Variants in HSD17B11 observed in about 807,000 individuals in gnomAD.
HSD17B11 encodes the protein estradiol 17-beta-dehydrogenase 11.
HSD17B11 carries 22 observed loss-of-function variants against 27.8 expected under a neutral mutation model. That is an observed-to-expected ratio of 0.79 (90% CI 0.56 to 1.13). The LOEUF is 1.13. Among genes scored for constraint, HSD17B11 ranks in the 50% most tolerant of loss-of-function variants. The probability of loss-of-function intolerance (pLI) is 0.00; values close to 1 mark genes in which losing one functional copy is unlikely to be tolerated. For synonymous variants in HSD17B11, 117 were observed against 132.8 expected (o/e 0.88, Z 0.82); for missense variants, 314 against 351.1 (o/e 0.89, Z 0.84).
intron 1 of HSD17B11, among the ~76,000 whole-genome samples, chr4:87,390,441 C>G (rs904634232): frequency 6.6e-6 from 1 of 152,230 alleles, no homozygotes; most frequent in African/African-American, 2.4e-5. Context: ...CAGGCGTGAG[C>G]CAACGGCGAG....
In HSD17B11 at chr4:87,378,883, T is replaced by TATATATATAA. The variant is rs1720020276; in HGVS notation, c.318+3371_318+3372insTTATATATAT. Among the ~76,000 whole-genome samples, 9 of 12,922 alleles carry TATATATATAA rather than the reference T, an allele frequency of 7.0e-4. 3 individuals carry two copies. Among genetic ancestry groups the TATATATATAA allele is most frequent in the Admixed American group, 1.4e-3 (1 of 730 alleles). 8.5% of individuals were successfully genotyped at this position (12,922 alleles called of 152,430 possible). A position where few individuals can be genotyped will look rare whatever the true frequency, so the allele number is the denominator to read the frequency against. On this transcript the variant is annotated intron_variant, in intron 2 of 6. Transcript: ENST00000358290. ...ATATATATAAATATATATATATAAATATATATATATAAATATATATAAATA... is the reference window on the plus strand; with the variant it reads ...ATATATATAAATATATATATATAAATATATATATAAATATATATATAAATATATATAAATA...
intron 2 of HSD17B11, among the ~76,000 whole-genome samples, chr4:87,379,864 AT>A (rs1560770166): frequency 1.3e-5 from 1 of 77,214 alleles, no homozygotes; most frequent in Non-Finnish European, 2.5e-5. Context: ...ATGTATATGT[AT>A]TATACTATTA....
At chr4:87,384,805 C>G (rs1162666284) in intron 1 of HSD17B11, among the ~76,000 whole-genome samples, 1 of 151,838 alleles carries the variant, frequency 6.6e-6, no homozygotes, top group Non-Finnish European at 1.5e-5. Flanking sequence ...AGACCCTTAT[C>G]AGTAGTTCTG....
intron 4 of HSD17B11, among the ~76,000 whole-genome samples, chr4:87,359,227 T>C (rs116121952): frequency 0.012 from 1,825 of 152,278 alleles, 40 homozygotes; most frequent in African/African-American, 0.042. Context: ...AGGGGACTAA[T>C]ACAGAAGGCT....
intron 4 of HSD17B11, among the ~76,000 whole-genome samples, chr4:87,359,809 C>T (rs1191375366): frequency 5.3e-5 from 8 of 152,110 alleles, no homozygotes; most frequent in Non-Finnish European, 1.0e-4. Context: ...TCAGGTTTTA[C>T]GTGTGGGTAG....
intron 1 of HSD17B11, among the ~76,000 whole-genome samples, chr4:87,390,551 T>C (rs1189331386): frequency 6.6e-5 from 10 of 152,208 alleles, no homozygotes; most frequent in African/African-American, 2.4e-4. Flanking sequence ...AAACGATTGT[T>C]TTTTCCCTAT....
At chr4:87,361,537 G>A (rs935944067) in intron 4 of HSD17B11, among the ~76,000 whole-genome samples, 1 of 152,142 alleles carries the variant, frequency 6.6e-6, no homozygotes, top group African/African-American at 2.4e-5. Context: ...GGAGGCCAAG[G>A]CGGGCGGATC....
chr4:87,370,770 T>TTTTTTTTA (rs1578042059), intron 4 of HSD17B11, among the ~76,000 whole-genome samples: 1 of 76,338 alleles, frequency 1.3e-5, no homozygotes, highest in Non-Finnish European at 2.5e-5. Flanking sequence ...TTTTTTTTTT[T>TTTTTTTTA]GAGACGGAGT....
intron 2 of HSD17B11, among the ~76,000 whole-genome samples, chr4:87,379,472 G>A (rs146014932): frequency 0.039 from 5,733 of 145,856 alleles, 405 homozygotes; most frequent in African/African-American, 0.14. Flanking sequence ...TATTTATATT[G>A]TTATATTTAT....
At chr4:87,346,423 C>T (rs990303052) in intron 5 of HSD17B11, among the ~76,000 whole-genome samples, 7 of 152,214 alleles carry the variant, frequency 4.6e-5, no homozygotes, top group Admixed American at 2.0e-4. Flanking sequence ...CCGAGGCAGG[C>T]GGATCGCTTG....
At chr4:87,388,994 C>T (rs970730089) in intron 1 of HSD17B11, among the ~76,000 whole-genome samples, 3 of 152,152 alleles carry the variant, frequency 2.0e-5, no homozygotes, top group African/African-American at 7.2e-5. Flanking sequence ...TGCATTATCT[C>T]ATATCATACT....
intron 5 of HSD17B11, among the ~76,000 whole-genome samples, chr4:87,353,862 A>T (rs1327579287): frequency 6.6e-6 from 1 of 152,224 alleles, no homozygotes; most frequent in Admixed American, 6.5e-5. Flanking sequence ...CTGAAAAAGA[A>T]ATTGAGGAAA....
chr4:87,342,905 A>T (rs1735196121), intron 5 of HSD17B11, among the ~76,000 whole-genome samples: 1 of 152,228 alleles, frequency 6.6e-6, no homozygotes, highest in Admixed American at 6.5e-5. Context: ...TTGCAGCATA[A>T]ACAGGCAGGG....
intron 4 of HSD17B11, among the ~76,000 whole-genome samples, chr4:87,361,282 C>T (rs1281759242): frequency 4.6e-5 from 7 of 152,296 alleles, no homozygotes; most frequent in Non-Finnish European, 8.8e-5. Context: ...CTCCCACCAG[C>T]GCCATAACTG....
At chr4:87,358,279 A>G (rs988222392) in intron 4 of HSD17B11, among the ~76,000 whole-genome samples, 4 of 152,068 alleles carry the variant, frequency 2.6e-5, no homozygotes, top group African/African-American at 9.7e-5. Flanking sequence ...ATTTTTTAAA[A>G]CATCTGTTTC....
intron 3 of HSD17B11, chr4:87,373,415 TA>T (rs1735758760): frequency 6.7e-6 from 1 of 148,606 alleles, no homozygotes; most frequent in South Asian, 2.1e-4. Context: ...AAGAAACAAG[TA>T]AGATAATACC....
At chr4:87,343,754 G>A (rs1322377473) in intron 5 of HSD17B11, among the ~76,000 whole-genome samples, 1 of 152,036 alleles carries the variant, frequency 6.6e-6, no homozygotes, top group Non-Finnish European at 1.5e-5. Flanking sequence ...CACCATGTTA[G>A]CCAGGCTGGT....
intron 2 of HSD17B11, among the ~76,000 whole-genome samples, chr4:87,379,130 G>C (rs1001904638): frequency 3.4e-5 from 5 of 146,822 alleles, no homozygotes; most frequent in Non-Finnish European, 7.4e-5. Flanking sequence ...GCTAATTTTT[G>C]CATTTTTATA....
At chr4:87,374,667 A>G (rs1374407065) in intron 3 of HSD17B11, 32 bp downstream of exon 3, 1 of 1,580,554 alleles carries the variant, frequency 6.3e-7, no homozygotes, top group South Asian at 1.2e-5. Flanking sequence ...GATTTTCAAA[A>G]GGAACATTTT....
Sources: allele counts gnomAD v4.1 joint callset (sites outside exome capture counted in the v4.1 genomes callset), GRCh38; gene constraint gnomAD v4.1.1; transcripts MANE v1.5; gene names NCBI Gene and HGNC (gene_info 2026-07-23, HGNC 2026-07-21).